The following TRIOBP variants were observed in gnomAD, a reference collection of about 807,000 sequenced individuals.
TRIOBP encodes the protein TRIO and F-actin binding protein.
Under a neutral mutation model 238.8 loss-of-function variants are expected in TRIOBP, and 169 were observed. The ratio of observed to expected loss-of-function variants is 0.71; its 90% CI spans 0.62 to 0.80. TRIOBP has a LOEUF of 0.80. Ranked by LOEUF, TRIOBP falls within the 30% of genes least tolerant of loss-of-function variation. The pLI is 0.00. For synonymous variants in TRIOBP, 1,150 were observed against 1,274.4 expected, an observed-to-expected ratio of 0.90 and a Z score of 2.08; for missense variants, 2,838 against 3,122.6, an observed-to-expected ratio of 0.91 and a Z score of 2.17.
intron 11 of TRIOBP, 65 bp downstream of exon 11, chr22:37,741,097 G>A (rs535678222): frequency 6.5e-6 from 10 of 1,535,950 alleles, no homozygotes; most frequent in Non-Finnish European, 8.8e-6. Flanking sequence ...GGAGGGAGGA[G>A]GGGGCTGTTA....
In TRIOBP at chr22:37,751,843, G is replaced by T; in HGVS notation, c.5379+15G>T. On this transcript the variant is annotated intron_variant, in intron 12 of 23. Transcript: ENST00000644935. Reference sequence around the variant, plus strand: ...AGCCTGGAGAGGTAAGAGGACTGAGGCCGGAGGGGAGGAAGCTGGCTTGTG... The same window carrying T: ...AGCCTGGAGAGGTAAGAGGACTGAGTCCGGAGGGGAGGAAGCTGGCTTGTG... 1 of 1,613,520 alleles carries T rather than the reference G, an allele frequency of 6.2e-7. No individual in the cohort carries two copies. The highest frequency in any genetic ancestry group is 8.5e-7 in the Non-Finnish European group (1 of 1,179,710).
intron 6 of TRIOBP, among the ~76,000 whole-genome samples, chr22:37,719,989 C>CACACTGCACTCACTGTTTCACTCATCCCA (rs367687004): frequency 1.4e-5 from 1 of 71,208 alleles, no homozygotes; most frequent in African/African-American, 6.1e-5. Flanking sequence ...TTTCACTCAT[C>CACACTGCACTCACTGTTTCACTCATCCCA]CCCCCCCGCC....
chr22:37,701,518 GGGGGCAT>G lies in TRIOBP; in HGVS notation c.114+43_114+49del, dbSNP rs775253487. Reference sequence around the variant, plus strand: ...CCACGTGGTTGGGGTGGTTTGTGATGGGGGCATGGGTGAAGGACTGGGCCTGTGGTGT... The same window carrying G: ...CCACGTGGTTGGGGTGGTTTGTGATGGGGTGAAGGACTGGGCCTGTGGTGT... On this transcript the variant is annotated intron_variant, in intron 3 of 23. Transcript: ENST00000644935. 11 of 1,454,814 alleles carry G rather than the reference GGGGGCAT, an allele frequency of 7.6e-6. No individual in the cohort carries two copies. The African/African-American group carries it at 1.4e-4, about 18-fold the overall frequency. The allele number at this position is 1,454,814 out of a possible 1,614,324, so 90.1% of individuals were successfully genotyped here.
chr22:37,715,018 A>G (rs1487006955), intron 5 of TRIOBP, among the ~76,000 whole-genome samples: 3 of 151,958 alleles, frequency 2.0e-5, no homozygotes, highest in Non-Finnish European at 4.4e-5. Context: ...TTTTTATTTA[A>G]TTTTATTTAT....
intron 11 of TRIOBP, among the ~76,000 whole-genome samples, chr22:37,747,334 A>G (rs995516700): frequency 6.6e-6 from 1 of 152,170 alleles, no homozygotes; most frequent in African/African-American, 2.4e-5. Context: ...GTTTCTGGCT[A>G]GTGCTTCAGG....
intron 17 of TRIOBP, chr22:37,759,552 C>T (rs371849224): frequency 1.9e-6 from 3 of 1,599,776 alleles, no homozygotes; most frequent in African/African-American, 2.7e-5. Flanking sequence ...GACTGCAGAG[C>T]CTGTGTGTGA....
At chr22:37,705,601 A>G (rs1408132790) in intron 3 of TRIOBP, among the ~76,000 whole-genome samples, 2 of 151,216 alleles carry the variant, frequency 1.3e-5, no homozygotes, top group East Asian at 3.9e-4. Flanking sequence ...TTTGAGATGG[A>G]GTCTCGCTCT....
At chr22:37,769,642 A>G (rs1926669287) in intron 21 of TRIOBP, among the ~76,000 whole-genome samples, 3 of 152,248 alleles carry the variant, frequency 2.0e-5, no homozygotes. Flanking sequence ...AAATGGCACC[A>G]GCACCTTCCT....
chr22:37,772,922 C>T (rs1279460814), intron 23 of TRIOBP, among the ~76,000 whole-genome samples, 158 bp downstream of exon 23: 1 of 152,302 alleles, frequency 6.6e-6, no homozygotes, highest in Non-Finnish European at 1.5e-5. Flanking sequence ...GGGGTTGTTG[C>T]AGAGATCCCA....
At chr22:37,746,501 G>T in intron 11 of TRIOBP, 1 of 1,213,538 alleles carries the variant, frequency 8.2e-7, no homozygotes. Flanking sequence ...TCTCCCCTCC[G>T]GGGCAGCCCC....
chr22:37,726,362 A>C lies in TRIOBP; in HGVS notation c.3806A>C (p.Glu1269Ala). ...ACCAGGCACAACTTGGAGCGGGAGG[A>C]GTACACTGTGCTGGCCGACCTGCCC... Reference protein sequence around the residue: ...GETRHNLEREEYTVLADLPPP... With the variant: ...GETRHNLEREAYTVLADLPPP... Residue 1269 changes from glutamate (E) to alanine (A), a missense_variant, in exon 7 of 24, where the codon GAG becomes GCG. This residue lies in a region of TRIOBP where 2,096 missense variants were observed against 2,137.4 expected (regional missense o/e 0.98). Coordinates refer to ENST00000644935, the MANE Select transcript of TRIOBP (RefSeq NM_001039141.3). 2 of 1,606,476 alleles carry C rather than the reference A, an allele frequency of 1.2e-6. No homozygotes were observed. Among genetic ancestry groups the C allele is most frequent in the Non-Finnish European group, 1.7e-6 (2 of 1,176,660 alleles).
intron 17 of TRIOBP, among the ~76,000 whole-genome samples, chr22:37,765,320 C>T (rs905347263): frequency 6.6e-6 from 1 of 152,068 alleles, no homozygotes; most frequent in African/African-American, 2.4e-5. Context: ...AAATTCCAGG[C>T]AGTGGGAATA....
In TRIOBP at chr22:37,759,272, C is replaced by CG. The variant is rs753887397; in HGVS notation, c.6324+14dup. On this transcript the variant is annotated intron_variant, in intron 17 of 23. Coordinates refer to ENST00000644935, the MANE Select transcript of TRIOBP (RefSeq NM_001039141.3). Reference sequence around the variant, plus strand: ...CCGGGCTACATCTCACAGGTAAGGCCGGGGGGCTGTTTTTCAGGGGGAGGG... The same window carrying CG: ...CCGGGCTACATCTCACAGGTAAGGCCGGGGGGGCTGTTTTTCAGGGGGAGGG... 13 of 1,611,126 alleles carry CG rather than the reference C, an allele frequency of 8.1e-6. No homozygotes were observed. In the East Asian group the frequency reaches 1.1e-4, roughly 14 times the overall value.
intron 16 of TRIOBP, 105 bp from the exon 17 acceptor site, chr22:37,759,049 C>T: frequency 1.0e-6 from 1 of 953,600 alleles, no homozygotes; most frequent in South Asian, 1.4e-5. Context: ...TCCAGGGACG[C>T]TGGGCTTGTA....
chr22:37,727,156 G>C (rs1924212796), intron 7 of TRIOBP, among the ~76,000 whole-genome samples: 1 of 151,064 alleles, frequency 6.6e-6, no homozygotes, highest in East Asian at 2.0e-4. Context: ...TGATCCACCC[G>C]CCTCGGCCTC....
At chr22:37,762,800 G>C (rs1055980266) in intron 17 of TRIOBP, among the ~76,000 whole-genome samples, 4 of 152,124 alleles carry the variant, frequency 2.6e-5, no homozygotes, top group Non-Finnish European at 5.9e-5. Context: ...CAGCTGGGAG[G>C]GATTCCCCAG....
intron 3 of TRIOBP, among the ~76,000 whole-genome samples, chr22:37,706,155 C>T (rs1224978429): frequency 6.6e-6 from 1 of 151,966 alleles, no homozygotes; most frequent in East Asian, 1.9e-4. Flanking sequence ...TTTCTTCAGG[C>T]AGGGTACTTG....
At chr22:37,749,479 G>GCGGGGCTGTGAGAA (rs1379074291) in intron 11 of TRIOBP, among the ~76,000 whole-genome samples, 2 of 152,158 alleles carry the variant, frequency 1.3e-5, no homozygotes, top group Non-Finnish European at 2.9e-5. Context: ...CAGGTAGGAG[G>GCGGGGCTGTGAGAA]CGGGGCTGTG....
At chr22:37,768,600 C>G (rs368639856) in intron 19 of TRIOBP, among the ~76,000 whole-genome samples, 4 of 152,226 alleles carry the variant, frequency 2.6e-5, no homozygotes, top group East Asian at 1.9e-4. Context: ...ATCAGGAGTT[C>G]GAGACTAGCC....
Sources: gnomAD v4.1 joint callset for allele counts (sites outside exome capture counted in the v4.1 genomes callset) on GRCh38, gnomAD v4.1.1 for gene constraint, gnomAD v4.1.1 regional missense constraint, MANE v1.5 for transcripts, NCBI Gene and HGNC (gene_info 2026-07-23, HGNC 2026-07-21) for gene names.